Variants in P4HA3 observed in about 807,000 individuals in gnomAD.
The protein encoded by P4HA3 is prolyl 4-hydroxylase subunit alpha 3.
Under a neutral mutation model 66.7 loss-of-function variants are expected in P4HA3, and 60 were observed. The observed-to-expected ratio is 0.90, with a 90% CI of 0.73 to 1.12. P4HA3 has a LOEUF of 1.12. Ranked by LOEUF, P4HA3 falls within the 50% of genes most tolerant of loss-of-function variation. The pLI is 0.00. For synonymous variants in P4HA3, 263 were observed against 274.6 expected (o/e 0.96, Z 0.42); for missense variants, 683 against 685.8 (o/e 1.00, Z 0.05).
chr11:74,295,280 T>C (rs1861179158), intron 4 of P4HA3, among the ~76,000 whole-genome samples: 1 of 152,164 alleles, frequency 6.6e-6, no homozygotes, highest in Admixed American at 6.5e-5. Context: ...AATGGAAACA[T>C]TGCCCAGTGC....
rs561330789 is a variant in P4HA3 at position 74,251,556 on chromosome 11, G to A, written c.*1319-3555C>T. ...GACCTGTGGGTGGGATGAGGGCACC[G>A]TAGAGCCTAACCATCTAACAGTAGC... On this transcript the variant is annotated intron_variant and NMD_transcript_variant, in intron 15 of 15. Transcript: ENST00000524388. 54 of 1,553,796 alleles carry A rather than the reference G, an allele frequency of 3.5e-5. No homozygotes were observed. The South Asian group carries it at 4.5e-4, about 13-fold the overall frequency.
chr11:74,290,787 C>G (rs2134781383), intron 4 of P4HA3, among the ~76,000 whole-genome samples: 1 of 152,278 alleles, frequency 6.6e-6, no homozygotes, highest in East Asian at 1.9e-4. Flanking sequence ...GAGCTCTGTT[C>G]TGTTCCATTG....
At chr11:74,271,170 T>A (rs1860183734) in intron 10 of P4HA3, among the ~76,000 whole-genome samples, 1 of 152,166 alleles carries the variant, frequency 6.6e-6, no homozygotes, top group African/African-American at 2.4e-5. Context: ...TAGATGCAAG[T>A]GAACTGACAT....
chr11:74,281,418 T>G (rs1340699941), intron 7 of P4HA3, among the ~76,000 whole-genome samples: 2 of 152,312 alleles, frequency 1.3e-5, no homozygotes, highest in East Asian at 3.9e-4. Context: ...TAAAGACACA[T>G]GCACACGTAT....
Position 74,302,576 on chromosome 11 carries a change from A to G in P4HA3, c.360T>C (p.Tyr120=). The change falls in exon 3 of 13, where the codon TAT becomes TAC. Residue 120 remains tyrosine, a synonymous_variant. Coordinates refer to ENST00000331597, the MANE Select transcript of P4HA3 (RefSeq NM_182904.5). The part of the protein sequence containing the change: ...SENIRALKDG[Y]EKVEQDLPAF... ...CTGGAAGGTCTTGCTCCACCTTCTC[A>G]TAGCCATCCTTCAGAGCTGTAAAAG... 1.2e-6 allele frequency: 2 copies of G among 1,613,324 alleles called. No individual in the cohort carries two copies. The highest frequency in any genetic ancestry group is 1.7e-6 in the Non-Finnish European group (2 of 1,179,370).
In P4HA3 at chr11:74,311,393, C is replaced by T. The variant is rs371087902; in HGVS notation, c.200+19G>A. Reference sequence around the variant, plus strand: ...TCCCACTGAGGCCCCTCGGTCGCTCCCACTCGTCGTGCCCTCACCTAGTCA... The same window carrying T: ...TCCCACTGAGGCCCCTCGGTCGCTCTCACTCGTCGTGCCCTCACCTAGTCA... On this transcript the variant is annotated intron_variant, in intron 1 of 12. Transcript: ENST00000331597. 27 of 1,484,820 alleles carry T rather than the reference C, an allele frequency of 1.8e-5. No homozygotes were observed. In the African/African-American group the frequency reaches 2.6e-4, roughly 14 times the overall value. The allele number at this position is 1,484,820 out of a possible 1,614,324, so 92.0% of individuals were successfully genotyped here. A position where few individuals can be genotyped will look rare whatever the true frequency, so the allele number is the denominator to read the frequency against.
chr11:74,280,791 C>T (rs1860565808), intron 7 of P4HA3, among the ~76,000 whole-genome samples: 1 of 152,214 alleles, frequency 6.6e-6, no homozygotes, highest in African/African-American at 2.4e-5. Flanking sequence ...CAGACAGAAG[C>T]TCTTTCCCTT....
At chr11:74,268,323 G>C in intron 11 of P4HA3, 82 bp from the exon 12 acceptor site, 1 of 1,141,938 alleles carries the variant, frequency 8.8e-7, no homozygotes, top group Non-Finnish European at 1.3e-6. Flanking sequence ...ACAAATGCAG[G>C]CATGTCATTG....
chr11:74,280,720 C>T (rs570288164), intron 7 of P4HA3, among the ~76,000 whole-genome samples: 6 of 152,196 alleles, frequency 3.9e-5, no homozygotes, highest in Non-Finnish European at 5.9e-5. Context: ...ACTCACAGGG[C>T]TCAGACCCAG....
intron 4 of P4HA3, 75 bp from the exon 5 acceptor site, chr11:74,289,205 A>T (rs77309845): frequency 6.0e-6 from 3 of 501,974 alleles, no homozygotes; most frequent in Non-Finnish European, 5.3e-6. Flanking sequence ...CCATTAAATT[A>T]AAAAAAAAAA....
intron 3 of P4HA3, among the ~76,000 whole-genome samples, chr11:74,301,246 T>C (rs981720350): frequency 6.6e-6 from 1 of 152,248 alleles, no homozygotes; most frequent in Non-Finnish European, 1.5e-5. Context: ...TCTTTTCTTA[T>C]ATTTGAAAAG....
At position 74,289,096 on chromosome 11, in the gene P4HA3, C is replaced by T. The variant is rs746934824; in HGVS notation, c.752G>A (p.Arg251Gln). The T allele has an allele frequency of 2.0e-5, 32 of 1,580,130 alleles. No individual in the cohort carries two copies. The highest frequency in any genetic ancestry group is 1.4e-4 in the East Asian group (6 of 43,886). The stretch of plus-strand genomic sequence containing the variant: ...TTACGTACTGTAGAGAAGAAACTCC[C>T]GAGAGAGGCTGAGGGCACACGAAAC... ...GNVSCALSLS[R>Q]EFLLYSPDNK... The change falls in exon 5 of 13, where the codon CGG (arginine) becomes CAG (glutamine). Residue 251 changes from arginine to glutamine, a missense_variant. Coordinates refer to ENST00000331597, the MANE Select transcript of P4HA3 (RefSeq NM_182904.5).
intron 12 of P4HA3, 76 bp from the exon 13 acceptor site, chr11:74,267,394 C>A (rs913973888): frequency 2.6e-6 from 4 of 1,541,996 alleles, no homozygotes; most frequent in Non-Finnish European, 3.5e-6. Context: ...CTGGTGCGCA[C>A]TCATAGGCGC....
chr11:74,285,739 T>A, intron 7 of P4HA3, 70 bp downstream of exon 7: 1 of 1,502,406 alleles, frequency 6.7e-7, no homozygotes, highest in African/African-American at 1.4e-5. Context: ...GGTTGCCTAT[T>A]CTTACACTCC....
At chr11:74,297,694 C>T (rs573925582) in intron 4 of P4HA3, among the ~76,000 whole-genome samples, 1 of 152,276 alleles carries the variant, frequency 6.6e-6, no homozygotes, top group East Asian at 1.9e-4. Context: ...GCTGGTACTA[C>T]AGAACAGTGA....
At chr11:74,297,783 T>G (rs904952925) in intron 4 of P4HA3, among the ~76,000 whole-genome samples, 5 of 152,222 alleles carry the variant, frequency 3.3e-5, no homozygotes, top group African/African-American at 1.2e-4. Flanking sequence ...ATCAAACTTC[T>G]TTGTCCATGG....
In P4HA3 at chr11:74,311,503, C is replaced by G. The variant is rs1387304922; in HGVS notation, c.109G>C (p.Val37Leu). 3.3e-6 allele frequency: 5 copies of G among 1,535,886 alleles called. No individual in the cohort carries two copies. In the East Asian group the frequency reaches 7.4e-5, roughly 23 times the overall value. Reference protein sequence around the residue: ...RGDTFSALTSVARALAPERRL... With the variant: ...RGDTFSALTSLARALAPERRL... Reference sequence around the variant, plus strand: ...CGCTCGGGCGCCAGGGCGCGCGCCACGCTGGTCAGCGCCGAGAACGTGTCG... The same window carrying G: ...CGCTCGGGCGCCAGGGCGCGCGCCAGGCTGGTCAGCGCCGAGAACGTGTCG... Residue 37 changes from valine to leucine, a missense_variant, in exon 1 of 13, where the codon GTG becomes CTG. By Grantham distance (32) the Val-to-Leu change is conservative. Coordinates refer to ENST00000331597, the MANE Select transcript of P4HA3 (RefSeq NM_182904.5).
chr11:74,293,241 C>G (rs57941759), intron 4 of P4HA3, among the ~76,000 whole-genome samples: 134 of 150,136 alleles, frequency 8.9e-4, no homozygotes, highest in African/African-American at 3.1e-3. Context: ...GGTTTAAAGT[C>G]TGTTTTATCC....
chr11:74,291,495 A>G (rs1477388686), intron 4 of P4HA3, among the ~76,000 whole-genome samples: 6 of 152,148 alleles, frequency 3.9e-5, no homozygotes, highest in East Asian at 1.9e-4. Flanking sequence ...GAATAGGAGT[A>G]GTGAGAGAGG....
Sources: gnomAD v4.1 joint callset for allele counts (sites outside exome capture counted in the v4.1 genomes callset) on GRCh38, gnomAD v4.1.1 for gene constraint, MANE v1.5 for transcripts, NCBI Gene and HGNC (gene_info 2026-07-23, HGNC 2026-07-21) for gene names.